UGT1A7: variants seen among roughly 807,000 people sequenced by gnomAD.
UGT1A7 encodes UDP glucuronosyltransferase family 1 member A7, also known as UDP-glucuronosyltransferase 1A7.
UGT1A7 carries 33 observed loss-of-function variants against 45.6 expected under a neutral mutation model. The ratio of observed to expected loss-of-function variants is 0.72; its 90% confidence interval spans 0.55 to 0.97. UGT1A7 has a LOEUF of 0.97. Among genes scored for constraint, UGT1A7 ranks in the 50% least tolerant of loss-of-function variants. The pLI, the probability that UGT1A7 is intolerant of heterozygous loss-of-function variation, is 0.00. For synonymous variants in UGT1A7, 274 were observed against 250.6 expected, an observed-to-expected ratio of 1.09 and a Z score of -0.88; for missense variants, 684 against 666.2, an observed-to-expected ratio of 1.03 and a Z score of -0.29.
intron 1 of UGT1A7, chr2:233,713,784 T>A: frequency 6.2e-7 from 1 of 1,614,078 alleles, no homozygotes; most frequent in Non-Finnish European, 8.5e-7. Context: ...TGTGATGGAT[T>A]ACCCCAGGCC....
At chr2:233,701,496 A>G (rs2075632566) in intron 1 of UGT1A7, among the ~76,000 whole-genome samples, 1 of 152,140 alleles carries the variant, frequency 6.6e-6, no homozygotes, top group Admixed American at 6.5e-5. Context: ...AAGCGGACCT[A>G]ATAGACATCT....
chr2:233,719,597 G>C, intron 1 of UGT1A7: 3 of 1,613,960 alleles, frequency 1.9e-6, no homozygotes, highest in Non-Finnish European at 2.5e-6. Flanking sequence ...TGTTCCGAGG[G>C]GACTTTGTGA....
chr2:233,724,281 C>CA (rs1553611764), intron 1 of UGT1A7, among the ~76,000 whole-genome samples: 3 of 111,954 alleles, frequency 2.7e-5, no homozygotes, highest in South Asian at 3.3e-4. Flanking sequence ...GCTGGCCGGG[C>CA]GGGGGGCTGA....
Position 233,713,465 on chromosome 2 carries a change from G to A in UGT1A7, c.855+30673G>A, listed in dbSNP as rs147117995. On this transcript the variant is annotated intron_variant, in intron 1 of 4. Coordinates refer to ENST00000373426, the MANE Select transcript of UGT1A7 (RefSeq NM_019077.3). ...TAACAGACCCCTTTCACCTCTGCGC[G>A]GCGGTGCTGGCTAAGTACCTGTCGA... is the stretch of plus-strand genomic sequence containing the variant. 2.5e-4 allele frequency: 400 copies of A among 1,613,916 alleles called. 3 individuals carry two copies. The East Asian group carries it at 5.4e-3, about 22-fold the overall frequency.
intron 1 of UGT1A7, among the ~76,000 whole-genome samples, chr2:233,705,974 G>A (rs7564360): frequency 0.94 from 142,961 of 152,236 alleles, 67,221 homozygotes; most frequent in East Asian, 1. Context: ...CTGTGGTTCC[G>A]GCTACTCAGG....
At chr2:233,708,245 A>G (rs748407725) in intron 1 of UGT1A7, among the ~76,000 whole-genome samples, 7 of 152,232 alleles carry the variant, frequency 4.6e-5, no homozygotes, top group African/African-American at 1.4e-4. Flanking sequence ...GTATAAGTGT[A>G]CACTTTCCTT....
At chr2:233,706,372 T>C (rs2075905124) in intron 1 of UGT1A7, among the ~76,000 whole-genome samples, 1 of 152,222 alleles carries the variant, frequency 6.6e-6, no homozygotes, top group South Asian at 2.1e-4. Flanking sequence ...TAGGCCATTG[T>C]ACAAAAGCAG....
At position 233,767,929 on chromosome 2, in the gene UGT1A7, T is replaced by A; in HGVS notation, c.1068T>A (p.Asp356Glu). 1 of 1,614,196 alleles carries A rather than the reference T, an allele frequency of 6.2e-7. No individual in the cohort carries two copies. Among genetic ancestry groups the A allele is most frequent in the South Asian group, 1.1e-5 (1 of 91,080 alleles). The change falls in exon 3 of 5, where the codon GAT becomes GAA. Residue 356 changes from aspartate to glutamate, a missense_variant. By Grantham distance (45) the Asp-to-Glu change is conservative. Coordinates refer to ENST00000373426, the MANE Select transcript of UGT1A7 (RefSeq NM_019077.3). ...TTGTTAAGTGGCTACCCCAAAACGA[T>A]CTGCTTGGTATGTTGGGCGGATTGG... ...TILVKWLPQN[D>E]LLGHPMTRAF...
At chr2:233,720,033 T>A (rs13401281) in intron 1 of UGT1A7, among the ~76,000 whole-genome samples, 3 of 152,074 alleles carry the variant, frequency 2.0e-5, no homozygotes, top group South Asian at 4.2e-4. Context: ...TTTGCTTGCC[T>A]GATTTTCAGC....
chr2:233,724,316 G>C (rs1421066037), intron 1 of UGT1A7, among the ~76,000 whole-genome samples: 63 of 131,144 alleles, frequency 4.8e-4, no homozygotes, highest in East Asian at 1.0e-3. Context: ...TCCCGGACGG[G>C]GCGGCTGGCC....
intron 1 of UGT1A7, chr2:233,761,038 G>A: frequency 6.2e-7 from 1 of 1,614,174 alleles, no homozygotes; most frequent in Non-Finnish European, 8.5e-7. Flanking sequence ...ATTGAGCTCT[G>A]CATCTGTCTG....
chr2:233,735,091 A>T (rs4477910), intron 1 of UGT1A7, among the ~76,000 whole-genome samples: 69,276 of 151,834 alleles, frequency 0.46, 17,201 homozygotes, highest in African/African-American at 0.66. Context: ...GTCTTGTTGA[A>T]CTGTCTAATA....
intron 1 of UGT1A7, chr2:233,750,495 G>C (rs1427890072): frequency 6.6e-6 from 1 of 151,984 alleles, no homozygotes; most frequent in African/African-American, 2.4e-5. Flanking sequence ...AAGTAAGGAG[G>C]AGCCAAATGT....
intron 1 of UGT1A7, chr2:233,743,554 A>G: frequency 7.3e-7 from 1 of 1,367,106 alleles, no homozygotes; most frequent in East Asian, 4.6e-5. Flanking sequence ...CCCCCAAAAT[A>G]TTCTCCAGCG....
intron 1 of UGT1A7, among the ~76,000 whole-genome samples, chr2:233,707,927 A>G (rs1373528154): frequency 6.6e-6 from 1 of 152,184 alleles, no homozygotes; most frequent in Non-Finnish European, 1.5e-5. Context: ...TTTAAAATAT[A>G]CTTATCAGTC....
At chr2:233,750,510 T>C (rs565350753) in intron 1 of UGT1A7, 3 of 152,104 alleles carry the variant, frequency 2.0e-5, no homozygotes, top group South Asian at 4.1e-4. Flanking sequence ...AAATGTTAAT[T>C]GCCAAGACAA....
intron 1 of UGT1A7, among the ~76,000 whole-genome samples, chr2:233,689,357 T>A (rs2125542122): frequency 6.6e-6 from 1 of 152,374 alleles, no homozygotes; most frequent in South Asian, 2.1e-4. Context: ...AAGGCATTTA[T>A]GTGCAGGGCA....
chr2:233,760,301 C>A (rs1697391714), intron 1 of UGT1A7: 1 of 1,613,532 alleles, frequency 6.2e-7, no homozygotes, highest in South Asian at 1.1e-5. Flanking sequence ...GCTGTGGAGT[C>A]CCAGGGCGGA....
chr2:233,693,323 G>A, intron 1 of UGT1A7: 2 of 1,614,140 alleles, frequency 1.2e-6, no homozygotes, highest in Non-Finnish European at 8.5e-7. Context: ...ATTCCTAACT[G>A]CTCCTCAGAC....
Sources: gnomAD v4.1 joint callset for allele counts (sites outside exome capture counted in the v4.1 genomes callset) on GRCh38, gnomAD v4.1.1 for gene constraint, MANE v1.5 for transcripts, NCBI Gene and HGNC (gene_info 2026-07-23, HGNC 2026-07-21) for gene names.